DGKH: variants seen among roughly 807,000 people sequenced by gnomAD.
The protein encoded by DGKH is DAG kinase eta.
Under a neutral mutation model 159.3 loss-of-function variants are expected in DGKH, and 90 were observed. The observed-to-expected ratio is 0.57, with a 90% CI of 0.48 to 0.67. The LOEUF (loss-of-function observed/expected upper bound fraction) is 0.67, where lower values mean the gene tolerates loss of function less well. Among genes scored for constraint, DGKH ranks in the 30% least tolerant of loss-of-function variants. The pLI is 0.00. For synonymous variants in DGKH, 536 were observed against 553.8 expected (o/e 0.97, Z 0.45); for missense variants, 1,181 against 1,506.1 (o/e 0.78, Z 3.57).
chr13:42,207,033 C>CTTTCTTTCTT (rs1957502644), intron 21 of DGKH, among the ~76,000 whole-genome samples: 2 of 96,378 alleles, frequency 2.1e-5, no homozygotes, highest in Admixed American at 2.3e-4. Flanking sequence ...CTTTTTCTTT[C>CTTTCTTTCTT]TTTCTTTCCT....
At chr13:42,138,264 A>G (rs1955445843) in intron 3 of DGKH, 1 of 243,948 alleles carries the variant, frequency 4.1e-6, no homozygotes, top group Non-Finnish European at 6.6e-6. Flanking sequence ...GCACTATGCT[A>G]GACACTTTAC....
At chr13:42,162,659 C>T (rs1956214756) in intron 7 of DGKH, among the ~76,000 whole-genome samples, 1 of 151,890 alleles carries the variant, frequency 6.6e-6, no homozygotes, top group Admixed American at 6.6e-5. Flanking sequence ...CAAAAATTAG[C>T]CAGGAGCAGT....
chr13:42,137,731 A>C (rs964808416), intron 3 of DGKH, among the ~76,000 whole-genome samples: 1 of 152,204 alleles, frequency 6.6e-6, no homozygotes, highest in African/African-American at 2.4e-5. Context: ...ACTGTACTTT[A>C]AAGAGAAATG....
intron 29 of DGKH, chr13:42,225,172 C>G: frequency 1.0e-6 from 1 of 980,868 alleles, no homozygotes; most frequent in Non-Finnish European, 1.5e-6. Flanking sequence ...ATCGGCCTGC[C>G]TTGGCCTCCT....
At chr13:42,200,600 AG>A (rs1957325479) in intron 20 of DGKH, among the ~76,000 whole-genome samples, 1 of 152,206 alleles carries the variant, frequency 6.6e-6, no homozygotes, top group African/African-American at 2.4e-5. Flanking sequence ...TTTTAATTAA[AG>A]CATATCATAC....
At chr13:42,149,035 C>T (rs968109725) in intron 3 of DGKH, among the ~76,000 whole-genome samples, 3 of 149,512 alleles carry the variant, frequency 2.0e-5, no homozygotes, top group African/African-American at 7.4e-5. Context: ...GCCTCAATCT[C>T]CTGGGCTCAG....
At chr13:42,229,032 A>T in intron 29 of DGKH, 67 bp from the exon 30 acceptor site, 1 of 1,386,442 alleles carries the variant, frequency 7.2e-7, no homozygotes, top group Non-Finnish European at 9.9e-7. Flanking sequence ...TCATTTTTAA[A>T]ATTTTCTTTC....
rs1223311978 is a variant in DGKH, at chr13:42,238,678, A to G, written c.*9490A>G. ...GGAATGGTATTCTTTCATGCAAAGT[A>G]CTTTCAAAACTTCCCATAAAGAAAC... On this transcript the variant is annotated 3_prime_UTR_variant, in exon 30 of 30. Transcript: ENST00000337343. The G allele has an allele frequency of 6.6e-6, 1 of 152,172 alleles. No homozygotes were observed. Among genetic ancestry groups the G allele is most frequent in the African/African-American group, 2.4e-5 (1 of 41,466 alleles). 9.4% of individuals were successfully genotyped at this position (152,172 alleles called of 1,614,324 possible). A position where few individuals can be genotyped will look rare whatever the true frequency, so the allele number is the denominator to read the frequency against.
At chr13:42,078,781 A>T (rs899397659) in intron 1 of DGKH, among the ~76,000 whole-genome samples, 5 of 152,222 alleles carry the variant, frequency 3.3e-5, no homozygotes, top group Non-Finnish European at 5.9e-5. Flanking sequence ...AGACAGATAG[A>T]CAAAAATACC....
chr13:42,213,118 T>G (rs1180788788), intron 24 of DGKH, among the ~76,000 whole-genome samples: 1 of 152,124 alleles, frequency 6.6e-6, no homozygotes, highest in Non-Finnish European at 1.5e-5. Flanking sequence ...TGGAGGGGTT[T>G]TTCTGGACGA....
chr13:42,200,053 A>T (rs1957310195), intron 20 of DGKH, 144 bp downstream of exon 20: 1 of 671,880 alleles, frequency 1.5e-6, no homozygotes, highest in Non-Finnish European at 2.4e-6. Flanking sequence ...TCAACTTTGT[A>T]CTAAAGGAAG....
At chr13:42,106,529 T>A (rs2137788838) in intron 1 of DGKH, among the ~76,000 whole-genome samples, 1 of 152,162 alleles carries the variant, frequency 6.6e-6, no homozygotes, top group East Asian at 1.9e-4. Context: ...ATCCCAACAA[T>A]GAAAAAAGTC....
At chr13:42,251,884 T>G (rs1958622839) in intron 29 of DGKH, among the ~76,000 whole-genome samples, 1 of 152,260 alleles carries the variant, frequency 6.6e-6, no homozygotes, top group Admixed American at 6.5e-5. Flanking sequence ...CAGTTATCTT[T>G]CCACTTAATT....
At chr13:42,044,700 T>A (rs1880707614), upstream of DGKH, among the ~76,000 whole-genome samples, 1 of 152,218 alleles carries the variant, frequency 6.6e-6, no homozygotes, top group African/African-American at 2.4e-5. Context: ...ACGATCAGCC[T>A]TAGCATTCTG....
intron 1 of DGKH, 146 bp from the exon 2 acceptor site, chr13:42,127,317 G>A (rs1287061052): frequency 1.5e-6 from 1 of 646,700 alleles, no homozygotes. Context: ...ATGCAAAGCT[G>A]TGGTGAGAGT....
At chr13:42,173,559 T>G (rs1003854070) in intron 11 of DGKH, among the ~76,000 whole-genome samples, 1 of 152,242 alleles carries the variant, frequency 6.6e-6, no homozygotes, top group African/African-American at 2.4e-5. Flanking sequence ...ATGTATAAGC[T>G]GATTTGGCAA....
chr13:42,198,661 A>T, intron 18 of DGKH, 66 bp downstream of exon 18: 28 of 1,293,318 alleles, frequency 2.2e-5, no homozygotes, highest in Admixed American at 2.0e-5. Flanking sequence ...TTCAACATGA[A>T]CTGTAACATT....
chr13:42,040,100 G>T (rs9594663), exon 1 of DGKH: 1 of 152,260 alleles, frequency 6.6e-6, no homozygotes, highest in East Asian at 1.9e-4. Flanking sequence ...GCTGGAGTGC[G>T]GCTGAGTTTT....
Position 42,155,724 on chromosome 13 carries a change from C to T in DGKH, c.547C>T (p.His183Tyr). 6.2e-7 allele frequency: 1 copy of T among 1,614,104 alleles called. No homozygotes were observed. The highest frequency in any genetic ancestry group is 8.5e-7 in the Non-Finnish European group (1 of 1,180,022). ...GATGCACAACTGGTACGCCTGCTCC[C>T]ACGCCCGACCCACCTTCTGTAACGT... ...SGMHNWYACS[H>Y]ARPTFCNVCR... The change falls in exon 5 of 30, where the codon CAC (histidine) becomes TAC (tyrosine). Residue 183 changes from histidine (H) to tyrosine (Y), a missense_variant. By Grantham distance (83) the His-to-Tyr change is moderately conservative. Coordinates refer to ENST00000337343, the MANE Select transcript of DGKH (RefSeq NM_178009.5).
Sources: allele counts gnomAD v4.1 joint callset (sites outside exome capture counted in the v4.1 genomes callset), GRCh38; gene constraint gnomAD v4.1.1; transcripts MANE v1.5; gene names NCBI Gene and HGNC (gene_info 2026-07-23, HGNC 2026-07-21).